Variants in LRRC4C observed in about 807,000 individuals in gnomAD.
LRRC4C encodes the protein leucine rich repeat containing 4C.
In LRRC4C, 5 loss-of-function variants were observed where a neutral mutation model predicts 33.6. That is an observed-to-expected ratio of 0.15 (90% confidence interval 0.08 to 0.31). The LOEUF is 0.31. Among genes scored for constraint, LRRC4C ranks in the 10% least tolerant of loss-of-function variants. The probability of loss-of-function intolerance (pLI) is 1.00; values close to 1 mark genes in which losing one functional copy is unlikely to be tolerated. For synonymous variants in LRRC4C, 329 were observed against 302.0 expected, an observed-to-expected ratio of 1.09 and a Z score of -0.93; for missense variants, 560 against 796.7, an observed-to-expected ratio of 0.70 and a Z score of 3.58.
At chr11:41,283,558 T>G (rs1949734249) in intron 1 of LRRC4C, among the ~76,000 whole-genome samples, 1 of 152,246 alleles carries the variant, frequency 6.6e-6, no homozygotes, top group African/African-American at 2.4e-5. Flanking sequence ...TTGTATCAGA[T>G]TAAAATTTCA....
At chr11:40,990,521 G>A (rs1303102441) in intron 1 of LRRC4C, among the ~76,000 whole-genome samples, 2 of 152,084 alleles carry the variant, frequency 1.3e-5, no homozygotes, top group East Asian at 1.9e-4. Context: ...CACTGGATCA[G>A]TGGTTCTCAA....
chr11:41,274,697 T>TCC (rs1183607506), intron 1 of LRRC4C, among the ~76,000 whole-genome samples: 1 of 152,048 alleles, frequency 6.6e-6, no homozygotes, highest in African/African-American at 2.4e-5. Flanking sequence ...CCTGCTTGGG[T>TCC]CCCCTTCCAT....
chr11:40,889,239 G>A (rs1955592183), intron 2 of LRRC4C, among the ~76,000 whole-genome samples: 1 of 152,060 alleles, frequency 6.6e-6, no homozygotes, highest in South Asian at 2.1e-4. Context: ...GCTAGGTTTT[G>A]TGAAAGCAAA....
At chr11:40,631,671 G>A (rs929237047) in intron 3 of LRRC4C, among the ~76,000 whole-genome samples, 3 of 152,010 alleles carry the variant, frequency 2.0e-5, no homozygotes, top group Middle Eastern at 6.3e-3. Flanking sequence ...TACTAACATA[G>A]CATTGGCAAA....
chr11:40,340,684 T>C (rs975200968), intron 3 of LRRC4C, among the ~76,000 whole-genome samples: 3 of 152,102 alleles, frequency 2.0e-5, no homozygotes, highest in Admixed American at 2.0e-4. Context: ...ATCAAGAAAT[T>C]GAAGATCAGA....
chr11:40,568,757 A>G (rs1957862667), intron 3 of LRRC4C, among the ~76,000 whole-genome samples: 1 of 152,190 alleles, frequency 6.6e-6, no homozygotes, highest in South Asian at 2.1e-4. Context: ...TTGTACAGAT[A>G]TAGTAACCTA....
chr11:41,188,269 A>G (rs1207481977), intron 1 of LRRC4C, among the ~76,000 whole-genome samples: 4 of 152,148 alleles, frequency 2.6e-5, no homozygotes, highest in Non-Finnish European at 4.4e-5. Flanking sequence ...TTTACAGTTT[A>G]CCTGCAGTTA....
intron 1 of LRRC4C, among the ~76,000 whole-genome samples, chr11:41,455,742 A>T (rs1418830082): frequency 1.3e-5 from 2 of 152,172 alleles, no homozygotes; most frequent in Admixed American, 6.6e-5. Flanking sequence ...ATTTCATCAT[A>T]GCCTTCACAA....
chr11:40,951,809 A>G (rs1958702289), intron 1 of LRRC4C, among the ~76,000 whole-genome samples: 1 of 151,970 alleles, frequency 6.6e-6, no homozygotes. Context: ...GTAATAAAAT[A>G]CAGTCAGTCA....
chr11:40,753,377 G>A (rs1369448748), intron 2 of LRRC4C, among the ~76,000 whole-genome samples: 1 of 151,004 alleles, frequency 6.6e-6, no homozygotes, highest in Non-Finnish European at 1.5e-5. Context: ...TTTATGTAAA[G>A]AAATACTCAC....
intron 3 of LRRC4C, among the ~76,000 whole-genome samples, chr11:40,341,963 T>C (rs1247273632): frequency 6.6e-6 from 1 of 151,252 alleles, no homozygotes; most frequent in Admixed American, 6.6e-5. Flanking sequence ...CTGTGCTTTG[T>C]ATGTTGATAG....
At chr11:40,690,832 G>A (rs1450875148) in intron 2 of LRRC4C, among the ~76,000 whole-genome samples, 1 of 152,044 alleles carries the variant, frequency 6.6e-6, no homozygotes, top group Non-Finnish European at 1.5e-5. Flanking sequence ...AAGAGGACAA[G>A]GGTGGACTTT....
intron 1 of LRRC4C, among the ~76,000 whole-genome samples, chr11:41,170,740 C>T (rs1282241041): frequency 6.6e-6 from 1 of 152,076 alleles, no homozygotes; most frequent in African/African-American, 2.4e-5. Context: ...GCAACAAAAG[C>T]CAAAATTGAC....
chr11:40,998,386 T>C (rs1353009703), intron 1 of LRRC4C, among the ~76,000 whole-genome samples: 1 of 152,122 alleles, frequency 6.6e-6, no homozygotes, highest in Non-Finnish European at 1.5e-5. Flanking sequence ...AATGCCATTC[T>C]AATATACAGT....
At chr11:41,015,535 A>C (rs1855519721) in intron 1 of LRRC4C, among the ~76,000 whole-genome samples, 1 of 151,970 alleles carries the variant, frequency 6.6e-6, no homozygotes, top group Non-Finnish European at 1.5e-5. Context: ...TCTGGTTTTG[A>C]ACTCCTGACC....
At chr11:40,357,364 C>G (rs530390345) in intron 3 of LRRC4C, among the ~76,000 whole-genome samples, 2 of 152,224 alleles carry the variant, frequency 1.3e-5, no homozygotes, top group African/African-American at 2.4e-5. Flanking sequence ...AGGAGATACA[C>G]AAGGGTCAAT....
chr11:40,888,265 G>T (rs1405540340), intron 2 of LRRC4C, among the ~76,000 whole-genome samples: 1 of 151,800 alleles, frequency 6.6e-6, no homozygotes, highest in African/African-American at 2.4e-5. Flanking sequence ...ATATGTCAAT[G>T]ATAATTTATA....
rs1590264726 is a variant in LRRC4C at position 41,433,427 on chromosome 11, T to C, written c.-496+26004A>G. On this transcript the variant is annotated intron_variant, in intron 1 of 6. Coordinates refer to ENST00000528697, the MANE Select transcript of LRRC4C (RefSeq NM_001258419.2). ...TGGGCTTCTATAGTGTGATGGTTAA[T>C]ACTGAGTTTTAACTTGATTGCATTG... is the stretch of plus-strand genomic sequence containing the variant. Among the ~76,000 whole-genome samples the C allele has an allele frequency of 3.3e-5, 5 of 152,204 alleles. No homozygotes were observed. The South Asian group carries it at 6.2e-4, about 19-fold the overall frequency.
At chr11:40,932,511 TA>T (rs1307169714) in intron 2 of LRRC4C, among the ~76,000 whole-genome samples, 1 of 152,166 alleles carries the variant, frequency 6.6e-6, no homozygotes, top group East Asian at 1.9e-4. Flanking sequence ...TGTTTGGTTT[TA>T]GTCTGCATGG....
Sources: allele counts gnomAD v4.1 joint callset (sites outside exome capture counted in the v4.1 genomes callset), GRCh38; gene constraint gnomAD v4.1.1; transcripts MANE v1.5; gene names NCBI Gene and HGNC (gene_info 2026-07-23, HGNC 2026-07-21).